Variants in PRKG1 observed in about 807,000 individuals in gnomAD.
PRKG1 encodes cGMP-dependent protein kinase 1.
In PRKG1, 35 loss-of-function variants were observed where a neutral mutation model predicts 88.1. The observed-to-expected ratio is 0.40, with a 90% CI of 0.30 to 0.53. The LOEUF (loss-of-function observed/expected upper bound fraction) is 0.53. PRKG1 is among the 20% of genes least tolerant of loss of function. PRKG1 has a pLI of 0.59. For missense variants in PRKG1, 540 were observed against 839.8 expected, an observed-to-expected ratio of 0.64 and a Z score of 4.41; for synonymous variants, 303 against 292.5, an observed-to-expected ratio of 1.04 and a Z score of -0.37.
intron 2 of PRKG1, among the ~76,000 whole-genome samples, chr10:51,234,218 A>G (rs1356139295): frequency 6.6e-6 from 1 of 152,126 alleles, no homozygotes; most frequent in African/African-American, 2.4e-5. Context: ...AGTAAAACCC[A>G]CTTCCTCACT....
intron 10 of PRKG1, among the ~76,000 whole-genome samples, chr10:52,269,402 C>CA (rs1263710259): frequency 1.3e-5 from 2 of 152,086 alleles, no homozygotes; most frequent in African/African-American, 4.8e-5. Context: ...AAAGCATTTT[C>CA]AAATACCCAT....
intron 2 of PRKG1, among the ~76,000 whole-genome samples, chr10:51,374,831 A>T (rs1471570242): frequency 6.6e-6 from 1 of 152,180 alleles, no homozygotes; most frequent in South Asian, 2.1e-4. Context: ...TTCTAAGCTC[A>T]CGTGAGTGTT....
At chr10:51,388,302 A>C (rs1398740642) in intron 2 of PRKG1, among the ~76,000 whole-genome samples, 3 of 152,208 alleles carry the variant, frequency 2.0e-5, no homozygotes, top group Non-Finnish European at 4.4e-5. Context: ...CTTACTTCTG[A>C]GGTAAAGAAA....
chr10:51,211,675 GACAA>G (rs1315888399), intron 2 of PRKG1, among the ~76,000 whole-genome samples: 12 of 152,126 alleles, frequency 7.9e-5, no homozygotes, highest in African/African-American at 1.2e-4. Context: ...ACCAATAACA[GACAA>G]ACAGAGAGCC....
intron 5 of PRKG1, among the ~76,000 whole-genome samples, chr10:51,942,099 C>A (rs943500469): frequency 1.1e-4 from 17 of 151,964 alleles, no homozygotes; most frequent in Non-Finnish European, 2.4e-4. Flanking sequence ...TTCTCCACAA[C>A]CTCTCCAGCA....
At chr10:51,255,075 T>C (rs1044412068) in intron 2 of PRKG1, among the ~76,000 whole-genome samples, 2 of 152,132 alleles carry the variant, frequency 1.3e-5, no homozygotes. Flanking sequence ...CCTTCCAGCA[T>C]ATATGAATGC....
chr10:51,670,875 G>T (rs942883532), intron 3 of PRKG1, among the ~76,000 whole-genome samples: 3 of 151,538 alleles, frequency 2.0e-5, no homozygotes, highest in Non-Finnish European at 4.4e-5. Flanking sequence ...GAATAACTAA[G>T]CTCTGATCAT....
At chr10:51,161,271 T>C (rs1188283366) in intron 2 of PRKG1, among the ~76,000 whole-genome samples, 1 of 152,138 alleles carries the variant, frequency 6.6e-6, no homozygotes, top group Non-Finnish European at 1.5e-5. Context: ...TGTGTGTATA[T>C]GTACCATTAG....
chr10:51,698,349 C>A, intron 3 of PRKG1: 1 of 1,614,206 alleles, frequency 6.2e-7, no homozygotes, highest in Non-Finnish European at 8.5e-7. Context: ...CCCCTTTGAT[C>A]TATCATGGGG....
At chr10:51,114,536 G>A (rs939420362) in intron 1 of PRKG1, among the ~76,000 whole-genome samples, 4 of 151,976 alleles carry the variant, frequency 2.6e-5, no homozygotes, top group Admixed American at 6.6e-5. Flanking sequence ...AAATATAAAG[G>A]TAAATAACAC....
intron 3 of PRKG1, among the ~76,000 whole-genome samples, chr10:51,481,256 C>T (rs577230882): frequency 2.0e-4 from 25 of 127,534 alleles, no homozygotes; most frequent in African/African-American, 6.6e-4. Context: ...CTGTCTCTTT[C>T]TGTCTTTCTT....
chr10:51,918,350 T>A (rs539231648), intron 5 of PRKG1, among the ~76,000 whole-genome samples: 23 of 151,840 alleles, frequency 1.5e-4, no homozygotes, highest in African/African-American at 2.2e-4. Flanking sequence ...TTTTATTTTT[T>A]TTTTTGTGAG....
chr10:52,023,102 T>C (rs1359817010), intron 5 of PRKG1, among the ~76,000 whole-genome samples: 2 of 152,136 alleles, frequency 1.3e-5, no homozygotes, highest in Non-Finnish European at 2.9e-5. Flanking sequence ...GTGTGTGATG[T>C]TTCCTTTCCT....
chr10:51,713,138 A>G (rs1300810418), intron 3 of PRKG1, among the ~76,000 whole-genome samples: 1 of 152,202 alleles, frequency 6.6e-6, no homozygotes, highest in African/African-American at 2.4e-5. Flanking sequence ...TTCTGCACTT[A>G]GAATACATGT....
rs12269498 is a variant in PRKG1 at position 51,988,620 on chromosome 10, A to G, written c.763-65864A>G. On this transcript the variant is annotated intron_variant, in intron 5 of 17. Transcript: ENST00000373980. ...TAATAATAAAGGTAAACATTTTTCC[A>G]TAAGTATTGGCTATTCAGGTTTCTT... 8.5e-3 allele frequency among the ~76,000 whole-genome samples: 1,297 copies of G among 152,184 alleles called. 14 individuals carry two copies. The highest frequency in any genetic ancestry group is 0.028 in the African/African-American group (1,167 of 41,562).
At chr10:51,945,182 T>G (rs1842997332) in intron 5 of PRKG1, among the ~76,000 whole-genome samples, 2 of 149,414 alleles carry the variant, frequency 1.3e-5, no homozygotes, top group Admixed American at 6.7e-5. Flanking sequence ...GCTCTTCTTG[T>G]TGAATTGATC....
intron 2 of PRKG1, among the ~76,000 whole-genome samples, chr10:51,270,172 A>G (rs554146371): frequency 1.3e-5 from 2 of 152,206 alleles, no homozygotes; most frequent in Non-Finnish European, 2.9e-5. Context: ...TTATTAATAT[A>G]TCATTACATC....
intron 2 of PRKG1, among the ~76,000 whole-genome samples, chr10:51,178,732 T>A (rs1837267980): frequency 6.6e-6 from 1 of 152,176 alleles, no homozygotes; most frequent in South Asian, 2.1e-4. Context: ...CTGAGACATA[T>A]CTCATATATC....
chr10:51,764,051 G>T (rs1838093104), intron 3 of PRKG1, among the ~76,000 whole-genome samples: 1 of 152,162 alleles, frequency 6.6e-6, no homozygotes, highest in African/African-American at 2.4e-5. Flanking sequence ...TCTCAATGCT[G>T]CCACATTGAG....
Sources: allele counts gnomAD v4.1 joint callset (sites outside exome capture counted in the v4.1 genomes callset), GRCh38; gene constraint gnomAD v4.1.1; transcripts MANE v1.5; gene names NCBI Gene and HGNC (gene_info 2026-07-23, HGNC 2026-07-21).